Variants in CTNNA2 observed in about 807,000 individuals in gnomAD.
The protein encoded by CTNNA2 is catenin alpha 2, also known as catenin alpha-2.
Under a neutral mutation model 101.0 loss-of-function variants are expected in CTNNA2, and 42 were observed. That is an observed-to-expected ratio of 0.42 (90% CI 0.32 to 0.54). The LOEUF (loss-of-function observed/expected upper bound fraction) is 0.54. CTNNA2 is among the 20% of genes least tolerant of loss of function. CTNNA2 has a pLI of 0.14. For missense variants in CTNNA2, 871 were observed against 1,223.1 expected, an observed-to-expected ratio of 0.71 and a Z score of 4.29; for synonymous variants, 450 against 456.4, an observed-to-expected ratio of 0.99 and a Z score of 0.18.
intron 7 of CTNNA2, among the ~76,000 whole-genome samples, chr2:80,164,949 T>TG (rs59602569): frequency 0.091 from 13,252 of 146,338 alleles, 1,357 homozygotes; most frequent in African/African-American, 0.26. Flanking sequence ...GTTTTTTTTT[T>TG]TTTTTTTTCT....
At chr2:79,339,285 A>C (rs1677076240) in intron 3 of CTNNA2, among the ~76,000 whole-genome samples, 1 of 152,138 alleles carries the variant, frequency 6.6e-6, no homozygotes, top group South Asian at 2.1e-4. Context: ...TTTCAAGGGG[A>C]GTGAAAAGGA....
At chr2:80,484,824 G>T (rs905827366) in intron 9 of CTNNA2, among the ~76,000 whole-genome samples, 1 of 152,054 alleles carries the variant, frequency 6.6e-6, no homozygotes, top group Non-Finnish European at 1.5e-5. Flanking sequence ...GGCTACCACG[G>T]TGAAACCTTG....
At chr2:80,536,562 CA>C (rs768031580) in intron 9 of CTNNA2, among the ~76,000 whole-genome samples, 2 of 152,082 alleles carry the variant, frequency 1.3e-5, no homozygotes, top group Non-Finnish European at 2.9e-5. Flanking sequence ...GCTGGTGTTT[CA>C]AACAGAACAG....
intron 7 of CTNNA2, among the ~76,000 whole-genome samples, chr2:80,184,871 C>T (rs1447144697): frequency 1.3e-5 from 2 of 152,172 alleles, no homozygotes; most frequent in Non-Finnish European, 2.9e-5. Flanking sequence ...CTTTATCTCA[C>T]ATATTTAAAA....
chr2:79,398,753 C>A (rs918922993), intron 4 of CTNNA2, among the ~76,000 whole-genome samples: 2 of 151,138 alleles, frequency 1.3e-5, no homozygotes, highest in Admixed American at 1.3e-4. Context: ...GGGATATTGG[C>A]CCCAAAAAAA....
At chr2:80,454,523 G>A (rs1683795752) in intron 9 of CTNNA2, among the ~76,000 whole-genome samples, 1 of 152,208 alleles carries the variant, frequency 6.6e-6, no homozygotes, top group Non-Finnish European at 1.5e-5. Context: ...TACTATTCAT[G>A]AATCCCTTGT....
intron 1 of CTNNA2, among the ~76,000 whole-genome samples, chr2:79,595,550 G>A (rs955244126): frequency 2.0e-5 from 3 of 152,078 alleles, no homozygotes; most frequent in African/African-American, 7.2e-5. Flanking sequence ...AAATAGCCCA[G>A]GGCGAAAACC....
intron 7 of CTNNA2, among the ~76,000 whole-genome samples, chr2:80,238,185 T>C (rs555260417): frequency 6.6e-6 from 1 of 152,240 alleles, no homozygotes; most frequent in South Asian, 2.1e-4. Context: ...TTTATGACTC[T>C]GTGACCTCAA....
At chr2:79,563,623 T>TA (rs1674930778) in intron 1 of CTNNA2, among the ~76,000 whole-genome samples, 1 of 152,160 alleles carries the variant, frequency 6.6e-6, no homozygotes. Flanking sequence ...CATAGACATA[T>TA]AAAATTTTAT....
intron 7 of CTNNA2, among the ~76,000 whole-genome samples, chr2:80,272,388 G>T (rs1051926301): frequency 1.3e-5 from 2 of 152,148 alleles, no homozygotes; most frequent in Non-Finnish European, 2.9e-5. Context: ...TACAGAGTTG[G>T]CTACATTTTC....
chr2:79,808,291 T>C (rs1471803221), intron 3 of CTNNA2, among the ~76,000 whole-genome samples: 1 of 152,150 alleles, frequency 6.6e-6, no homozygotes, highest in Admixed American at 6.6e-5. Context: ...GAAGGACTAC[T>C]GGGTAGTGAG....
chr2:79,758,984 G>A (rs1448722801), intron 3 of CTNNA2, among the ~76,000 whole-genome samples: 13 of 152,096 alleles, frequency 8.5e-5, no homozygotes, highest in Admixed American at 8.5e-4. Context: ...TGATATATAG[G>A]CAATCTGGAA....
intron 11 of CTNNA2, among the ~76,000 whole-genome samples, chr2:80,548,178 G>GT (rs377087046): frequency 3.9e-5 from 6 of 152,016 alleles, no homozygotes; most frequent in African/African-American, 1.2e-4. Context: ...TATATGGTCA[G>GT]TTTTTTTCCA....
intron 1 of CTNNA2, among the ~76,000 whole-genome samples, chr2:79,640,103 A>G (rs1226922464): frequency 6.6e-6 from 1 of 152,146 alleles, no homozygotes; most frequent in Non-Finnish European, 1.5e-5. Context: ...CACAAAACTT[A>G]GGTAAATCAA....
chr2:79,869,311 G>C (rs1221998027), intron 4 of CTNNA2, among the ~76,000 whole-genome samples: 2 of 152,154 alleles, frequency 1.3e-5, no homozygotes, highest in Non-Finnish European at 2.9e-5. Context: ...TGGATGGAGA[G>C]GTATAAACTC....
rs34431691 is a variant in CTNNA2, at chr2:80,149,023, ATTT to A, written c.1056+239246_1056+239248del. On this transcript the variant is annotated intron_variant, in intron 7 of 18. Transcript: ENST00000402739. ...CTTCAACCTTCTGACTTATTTTGTT[ATTT>A]TTTTTTTTTTTTTTTTTTTAAGACA... 2.3e-3 allele frequency among the ~76,000 whole-genome samples: 284 copies of A among 124,810 alleles called. 1 individual carries two copies. Among genetic ancestry groups the A allele is most frequent in the South Asian group, 0.015 (59 of 3,988 alleles). 81.9% of individuals were successfully genotyped at this position (124,810 alleles called of 152,430 possible). A position where few individuals can be genotyped will look rare whatever the true frequency, so the allele number is the denominator to read the frequency against.
chr2:80,558,759 G>C (rs1422059906), intron 12 of CTNNA2, among the ~76,000 whole-genome samples: 1 of 152,098 alleles, frequency 6.6e-6, no homozygotes, highest in East Asian at 1.9e-4. Flanking sequence ...AATGCCAAGA[G>C]GAAAGATGAG....
chr2:79,793,855 A>T (rs1245259698), intron 3 of CTNNA2, among the ~76,000 whole-genome samples: 1 of 149,608 alleles, frequency 6.7e-6, no homozygotes, highest in Admixed American at 6.7e-5. Context: ...TCTTTTTCCA[A>T]CTTTCCCCAA....
intron 1 of CTNNA2, among the ~76,000 whole-genome samples, chr2:79,627,945 G>A (rs1176267839): frequency 2.6e-5 from 4 of 152,160 alleles, no homozygotes; most frequent in Non-Finnish European, 4.4e-5. Context: ...CAGCTCATAA[G>A]TGTTGTAATG....
Sources: allele counts gnomAD v4.1 joint callset (sites outside exome capture counted in the v4.1 genomes callset), GRCh38; gene constraint gnomAD v4.1.1; transcripts MANE v1.5; gene names NCBI Gene and HGNC (gene_info 2026-07-23, HGNC 2026-07-21).